Variants in ERBB4 observed in about 807,000 individuals in gnomAD.
ERBB4 encodes erb-b2 receptor tyrosine kinase 4, also known as receptor tyrosine-protein kinase erbB-4.
Under a neutral mutation model 158.0 loss-of-function variants are expected in ERBB4, and 42 were observed. The observed-to-expected ratio is 0.27, with a 90% CI of 0.21 to 0.34. The LOEUF is 0.34. ERBB4 is among the 10% of genes least tolerant of loss of function. ERBB4 has a pLI of 1.00. For missense variants in ERBB4, 1,333 were observed against 1,624.1 expected (o/e 0.82, Z 3.08); for synonymous variants, 583 against 558.7 (o/e 1.04, Z -0.61).
intron 1 of ERBB4, among the ~76,000 whole-genome samples, chr2:212,301,227 A>C (rs746131569): frequency 6.6e-6 from 1 of 150,944 alleles, no homozygotes; most frequent in Non-Finnish European, 1.5e-5. Flanking sequence ...TTATACTCTA[A>C]TATCTGAAAA....
At chr2:211,753,653 C>T (rs1253929750) in intron 4 of ERBB4, among the ~76,000 whole-genome samples, 1 of 151,722 alleles carries the variant, frequency 6.6e-6, no homozygotes, top group South Asian at 2.1e-4. Flanking sequence ...AACGATGACA[C>T]GTCCATGTGA....
intron 12 of ERBB4, among the ~76,000 whole-genome samples, chr2:211,701,122 T>C (rs931776227): frequency 2.6e-5 from 4 of 152,158 alleles, no homozygotes; most frequent in African/African-American, 9.7e-5. Flanking sequence ...AATCAATAAG[T>C]AGCAAAATAG....
At chr2:212,099,982 A>T (rs939758449) in intron 2 of ERBB4, among the ~76,000 whole-genome samples, 5 of 152,196 alleles carry the variant, frequency 3.3e-5, no homozygotes, top group African/African-American at 1.2e-4. Flanking sequence ...AAGACAAATG[A>T]TAAATTCACT....
At chr2:211,647,831 T>G (rs2070830844) in intron 16 of ERBB4, among the ~76,000 whole-genome samples, 1 of 151,696 alleles carries the variant, frequency 6.6e-6, no homozygotes, top group South Asian at 2.1e-4. Context: ...CCAATCAGCA[T>G]ATGGACTCAC....
chr2:212,267,936 G>A (rs1416242597), intron 1 of ERBB4, among the ~76,000 whole-genome samples: 1 of 151,782 alleles, frequency 6.6e-6, no homozygotes, highest in Non-Finnish European at 1.5e-5. Context: ...GATATTTTGG[G>A]AGATGACCAT....
chr2:212,344,132 A>G (rs1211886523), intron 1 of ERBB4, among the ~76,000 whole-genome samples: 1 of 152,228 alleles, frequency 6.6e-6, no homozygotes, highest in East Asian at 1.9e-4. Flanking sequence ...CATTATATAC[A>G]GGTAGTTATT....
chr2:212,473,960 A>T (rs1190612364), intron 1 of ERBB4, among the ~76,000 whole-genome samples: 1 of 152,132 alleles, frequency 6.6e-6, no homozygotes, highest in Non-Finnish European at 1.5e-5. Flanking sequence ...TGGCTTTGAC[A>T]AGTACTTCAT....
chr2:211,524,682 C>T (rs533959894), intron 20 of ERBB4, among the ~76,000 whole-genome samples: 1 of 125,206 alleles, frequency 8.0e-6, no homozygotes, highest in Non-Finnish European at 1.6e-5. Context: ...TGCGGGGCCG[C>T]CAAGCCCACG....
At chr2:212,279,230 T>C (rs2085661237) in intron 1 of ERBB4, among the ~76,000 whole-genome samples, 1 of 151,436 alleles carries the variant, frequency 6.6e-6, no homozygotes, top group Admixed American at 6.6e-5. Context: ...TTTTGCAGAA[T>C]AAAATTAAAA....
chr2:211,792,186 T>A (rs972105001), intron 3 of ERBB4, among the ~76,000 whole-genome samples: 1 of 151,692 alleles, frequency 6.6e-6, no homozygotes, highest in Non-Finnish European at 1.5e-5. Flanking sequence ...CAAATCAAAG[T>A]AAGAATGAAA....
chr2:211,414,558 T>A (rs1179712893), intron 25 of ERBB4, among the ~76,000 whole-genome samples: 8 of 151,468 alleles, frequency 5.3e-5, no homozygotes, highest in African/African-American at 1.9e-4. Context: ...AAATACAATT[T>A]TAATGCATGA....
intron 3 of ERBB4, among the ~76,000 whole-genome samples, chr2:211,911,623 G>C (rs2079542586): frequency 1.3e-5 from 2 of 152,072 alleles, no homozygotes; most frequent in African/African-American, 4.8e-5. Flanking sequence ...GGCAATATTT[G>C]TTCAAATGAC....
chr2:211,537,016 G>C (rs2066673800), intron 20 of ERBB4, among the ~76,000 whole-genome samples: 1 of 151,880 alleles, frequency 6.6e-6, no homozygotes, highest in Non-Finnish European at 1.5e-5. Context: ...CTTGGTTGCA[G>C]CAATGCTAAA....
intron 4 of ERBB4, among the ~76,000 whole-genome samples, chr2:211,773,624 A>AT (rs1346786429): frequency 2.7e-5 from 2 of 73,978 alleles, no homozygotes; most frequent in Admixed American, 1.3e-4. Flanking sequence ...ATATATATAT[A>AT]TATATATATA....
At chr2:212,321,380 T>C (rs964962284) in intron 1 of ERBB4, among the ~76,000 whole-genome samples, 3 of 150,510 alleles carry the variant, frequency 2.0e-5, no homozygotes, top group Non-Finnish European at 4.5e-5. Flanking sequence ...GAATCTAATA[T>C]AATTTAAGAC....
intron 3 of ERBB4, among the ~76,000 whole-genome samples, chr2:211,858,536 T>C (rs557722283): frequency 1.3e-5 from 2 of 152,166 alleles, no homozygotes; most frequent in South Asian, 2.1e-4. Context: ...AAATAAGGAA[T>C]GTAACTAACT....
At chr2:212,532,899 A>G (rs1286662678) in intron 1 of ERBB4, among the ~76,000 whole-genome samples, 1 of 152,234 alleles carries the variant, frequency 6.6e-6, no homozygotes, top group East Asian at 1.9e-4. Context: ...CAAAACATCC[A>G]CATATTTCAA....
intron 1 of ERBB4, among the ~76,000 whole-genome samples, chr2:212,171,522 G>A (rs557233813): frequency 6.6e-6 from 1 of 152,146 alleles, no homozygotes; most frequent in South Asian, 2.1e-4. Flanking sequence ...ATATGGTTTG[G>A]CTCTGGGCCC....
At chr2:212,267,434 T>C (rs1375036653) in intron 1 of ERBB4, among the ~76,000 whole-genome samples, 1 of 151,798 alleles carries the variant, frequency 6.6e-6, no homozygotes, top group Non-Finnish European at 1.5e-5. Flanking sequence ...GTGACCTATA[T>C]TTGAATAGGT....
Sources: gnomAD v4.1 joint callset for allele counts (sites outside exome capture counted in the v4.1 genomes callset) on GRCh38, gnomAD v4.1.1 for gene constraint, MANE v1.5 for transcripts, NCBI Gene and HGNC (gene_info 2026-07-23, HGNC 2026-07-21) for gene names.